Variants in SMOC2 observed in about 807,000 individuals in gnomAD.
SMOC2 encodes the protein SPARC-related modular calcium-binding protein 2.
Under a neutral mutation model 61.4 loss-of-function variants are expected in SMOC2, and 39 were observed. That is an observed-to-expected ratio of 0.64 (90% CI 0.49 to 0.83). SMOC2 has a LOEUF of 0.83. Among genes scored for constraint, SMOC2 ranks in the 40% least tolerant of loss-of-function variants. SMOC2 has a pLI of 0.00. For missense variants in SMOC2, 556 were observed against 592.9 expected (o/e 0.94, Z 0.65); for synonymous variants, 247 against 239.9 (o/e 1.03, Z -0.27).
chr6:168,549,141 G>A lies in SMOC2; in HGVS notation c.575G>A (p.Arg192His), dbSNP rs773020464. The A allele has an allele frequency of 8.7e-6, 14 of 1,613,876 alleles. No individual in the cohort carries two copies. The highest frequency in any genetic ancestry group is 3.3e-5 in the Admixed American group (2 of 59,992). Reference protein sequence around the residue: ...PQGDEEDIASRYPTLWTEQVK... With the variant: ...PQGDEEDIASHYPTLWTEQVK... ...TTTTGGTTCATAGATATTGCATCAC[G>A]TTACCCTACCCTTTGGACTGAACAG... is the stretch of plus-strand genomic sequence containing the variant. The change falls in exon 7 of 13, where the codon CGT (arginine) becomes CAT (histidine). Residue 192 changes from arginine to histidine, a missense_variant. Coordinates refer to ENST00000356284, the MANE Select transcript of SMOC2 (RefSeq NM_001166412.2).
intron 7 of SMOC2, among the ~76,000 whole-genome samples, chr6:168,584,854 G>A (rs1007800915): frequency 2.6e-5 from 4 of 152,210 alleles, no homozygotes; most frequent in African/African-American, 7.2e-5. Flanking sequence ...CCAAGCACCT[G>A]TGGAAGTAGA....
chr6:168,641,719 A>G (rs1786895498), intron 9 of SMOC2, among the ~76,000 whole-genome samples: 1 of 152,206 alleles, frequency 6.6e-6, no homozygotes, highest in South Asian at 2.1e-4. Context: ...AGGCAGGGCC[A>G]AGAGCAGGCA....
chr6:168,590,174 G>A (rs1785142750), intron 7 of SMOC2, among the ~76,000 whole-genome samples: 1 of 139,038 alleles, frequency 7.2e-6, no homozygotes, highest in Non-Finnish European at 1.5e-5. Context: ...CCTGGTGGTG[G>A]TCAGGTGTGG....
At chr6:168,487,482 A>G (rs979620375) in intron 1 of SMOC2, among the ~76,000 whole-genome samples, 10 of 152,192 alleles carry the variant, frequency 6.6e-5, no homozygotes, top group African/African-American at 2.2e-4. Context: ...GGAAAGAATT[A>G]AATATTGACT....
At chr6:168,515,458 CG>C (rs1052425262) in intron 2 of SMOC2, among the ~76,000 whole-genome samples, 1 of 28,166 alleles carries the variant, frequency 3.6e-5, no homozygotes, top group Non-Finnish European at 1.9e-4. Context: ...GTCCGCTTTC[CG>C]CTCCACGAGT....
intron 9 of SMOC2, among the ~76,000 whole-genome samples, chr6:168,626,946 T>A (rs1287732502): frequency 6.6e-6 from 1 of 152,210 alleles, no homozygotes; most frequent in Non-Finnish European, 1.5e-5. Flanking sequence ...AGAGTCATTC[T>A]TCTACCTGCT....
At chr6:168,639,477 A>G (rs949640811) in intron 9 of SMOC2, among the ~76,000 whole-genome samples, 3 of 152,060 alleles carry the variant, frequency 2.0e-5, no homozygotes, top group Non-Finnish European at 4.4e-5. Context: ...ATAACCGTCA[A>G]CTCCAATATT....
At chr6:168,634,476 G>C (rs1786660336) in intron 9 of SMOC2, among the ~76,000 whole-genome samples, 1 of 152,180 alleles carries the variant, frequency 6.6e-6, no homozygotes, top group Non-Finnish European at 1.5e-5. Flanking sequence ...TAGGTCTCAG[G>C]ATCCTACCAC....
Position 168,574,727 on chromosome 6 carries a change from C to T in SMOC2, c.638-24091C>T, listed in dbSNP as rs1387200070. Among the ~76,000 whole-genome samples, 4 of 152,068 alleles carry T rather than the reference C, an allele frequency of 2.6e-5. No homozygotes were observed. The South Asian group carries it at 6.2e-4, about 24-fold the overall frequency. On this transcript the variant is annotated intron_variant, in intron 7 of 12. Transcript: ENST00000356284. Reference sequence around the variant, plus strand: ...CAGACCCATCCCGAACTGCCGGACTCGGCGCTCTGTCCTTCCCGACCTCCC... The same window carrying T: ...CAGACCCATCCCGAACTGCCGGACTTGGCGCTCTGTCCTTCCCGACCTCCC...
intron 1 of SMOC2, among the ~76,000 whole-genome samples, chr6:168,465,668 A>T (rs1781812802): frequency 6.6e-6 from 1 of 151,170 alleles, no homozygotes; most frequent in African/African-American, 2.4e-5. Context: ...GGAGCTCTGG[A>T]TGAAGCGAGG....
chr6:168,637,699 A>G (rs1284895602), intron 9 of SMOC2, among the ~76,000 whole-genome samples: 2 of 152,210 alleles, frequency 1.3e-5, no homozygotes, highest in Non-Finnish European at 2.9e-5. Context: ...TAATTTGTGA[A>G]AGACCATGAC....
intron 1 of SMOC2, among the ~76,000 whole-genome samples, chr6:168,457,567 C>T (rs1781614317): frequency 6.6e-6 from 1 of 152,200 alleles, no homozygotes; most frequent in South Asian, 2.1e-4. Flanking sequence ...GAGTAATCCT[C>T]CCAGAACATG....
At chr6:168,444,968 C>T (rs1486831235) in intron 1 of SMOC2, among the ~76,000 whole-genome samples, 1 of 152,192 alleles carries the variant, frequency 6.6e-6, no homozygotes, top group Non-Finnish European at 1.5e-5. Context: ...TTTGCTCACA[C>T]TTAGAATGTT....
intron 11 of SMOC2, among the ~76,000 whole-genome samples, chr6:168,661,242 T>C (rs1787502119): frequency 6.6e-6 from 1 of 152,204 alleles, no homozygotes; most frequent in Non-Finnish European, 1.5e-5. Context: ...ATTCTAAATA[T>C]CCACACTGTT....
intron 7 of SMOC2, among the ~76,000 whole-genome samples, chr6:168,579,807 G>C (rs377300421): frequency 6.6e-6 from 1 of 152,270 alleles, no homozygotes; most frequent in South Asian, 2.1e-4. Context: ...GGGAATTAAG[G>C]AAATACCATA....
At chr6:168,448,497 CGGGGATGGT>C (rs1781383764) in intron 1 of SMOC2, among the ~76,000 whole-genome samples, 1 of 60,212 alleles carries the variant, frequency 1.7e-5, no homozygotes, top group African/African-American at 6.8e-5. Flanking sequence ...AGGAGGAGGA[CGGGGATGGT>C]GAGGATGGTG....
intron 7 of SMOC2, among the ~76,000 whole-genome samples, chr6:168,574,355 C>T (rs559776703): frequency 3.3e-5 from 5 of 152,308 alleles, no homozygotes; most frequent in African/African-American, 7.2e-5. Context: ...GGCAGCAGGC[C>T]GGGAGGAAGC....
At chr6:168,574,008 G>A (rs1340749862) in intron 7 of SMOC2, among the ~76,000 whole-genome samples, 1 of 152,234 alleles carries the variant, frequency 6.6e-6, no homozygotes, top group African/African-American at 2.4e-5. Flanking sequence ...GTGGACCCGG[G>A]CCTTGCGCCC....
At chr6:168,474,317 T>C (rs1782031671) in intron 1 of SMOC2, among the ~76,000 whole-genome samples, 1 of 152,124 alleles carries the variant, frequency 6.6e-6, no homozygotes, top group Non-Finnish European at 1.5e-5. Flanking sequence ...AGCTGCCAGC[T>C]GGGCTGGGGC....
Sources: gnomAD v4.1 joint callset for allele counts (sites outside exome capture counted in the v4.1 genomes callset) on GRCh38, gnomAD v4.1.1 for gene constraint, MANE v1.5 for transcripts, NCBI Gene and HGNC (gene_info 2026-07-23, HGNC 2026-07-21) for gene names.